The following ZNF729 variants were observed in gnomAD, a reference collection of about 807,000 sequenced individuals.
ZNF729 encodes zinc finger protein 729.
ZNF729 carries 15 observed loss-of-function variants against 12.2 expected under a neutral mutation model. The observed-to-expected ratio is 1.23, with a 90% CI of 0.82 to 1.89. ZNF729 has a LOEUF of 1.89. Among genes scored for constraint, ZNF729 ranks in the 40% most tolerant of loss-of-function variants. ZNF729 has a pLI of 0.00. For missense variants in ZNF729, 1,540 were observed against 1,456.7 expected (o/e 1.06, Z -0.93); for synonymous variants, 492 against 476.3 (o/e 1.03, Z -0.43).
At chr19:22,304,510 A>G (rs534540063) in intron 2 of ZNF729, among the ~76,000 whole-genome samples, 178 bp from the exon 3 acceptor site, 1 of 152,318 alleles carries the variant, frequency 6.6e-6, no homozygotes, top group South Asian at 2.1e-4. Flanking sequence ...CAGTAGTACC[A>G]GGTAGTAAAA....
In ZNF729 at chr19:22,317,130, C is replaced by G. The variant is rs1443815932; in HGVS notation, c.3713C>G (p.Thr1238Ser). 6.2e-6 allele frequency: 10 copies of G among 1,601,618 alleles called. No homozygotes were observed. The highest frequency in any genetic ancestry group is 7.7e-6 in the Non-Finnish European group (9 of 1,174,570). Residue 1238 changes from threonine to serine, a missense_variant, in exon 4 of 4, where the codon ACT (threonine) becomes AGT (serine). By Grantham distance (58) the Thr-to-Ser change is moderately conservative (BLOSUM62 1). Transcript: ENST00000601693. ...ACCTTACTAGACAAAACAATTCATACTGGAGAGAAACCCTACAAATGTGAA... is the reference window on the plus strand; with the variant it reads ...ACCTTACTAGACAAAACAATTCATAGTGGAGAGAAACCCTACAAATGTGAA... ...PHTLLDKTIH[T>S]GEKPYKCEEC...
At chr19:22,289,225 A>T (rs1390590749) in intron 1 of ZNF729, among the ~76,000 whole-genome samples, 1 of 144,956 alleles carries the variant, frequency 6.9e-6, no homozygotes, top group African/African-American at 2.8e-5. Flanking sequence ...TCCATTTGTT[A>T]ATTTTTTTTT....
At chr19:22,309,939 A>G (rs953636765) in intron 3 of ZNF729, among the ~76,000 whole-genome samples, 1 of 148,870 alleles carries the variant, frequency 6.7e-6, no homozygotes, top group Non-Finnish European at 1.5e-5. Context: ...GGTTAGGCAT[A>G]TTCCTAAGTT....
intron 1 of ZNF729, among the ~76,000 whole-genome samples, chr19:22,292,959 A>G (rs1968174535): frequency 6.6e-6 from 1 of 152,130 alleles, no homozygotes; most frequent in African/African-American, 2.4e-5. Flanking sequence ...GCTTTTCACA[A>G]TGGTTGAACT....
At chr19:22,289,096 T>G (rs903603155) in intron 1 of ZNF729, among the ~76,000 whole-genome samples, 4 of 130,462 alleles carry the variant, frequency 3.1e-5, no homozygotes, top group African/African-American at 1.0e-4. Context: ...TATTTTGACC[T>G]CAGTTTTTTA....
chr19:22,288,289 CGTT>C (rs1431408125), intron 1 of ZNF729, among the ~76,000 whole-genome samples: 1 of 147,980 alleles, frequency 6.8e-6, no homozygotes, highest in Non-Finnish European at 1.5e-5. Flanking sequence ...CCTGACACTG[CGTT>C]GTAAAAAGTC....
intron 1 of ZNF729, among the ~76,000 whole-genome samples, chr19:22,288,423 AT>A (rs1968109897): frequency 6.8e-6 from 1 of 147,626 alleles, no homozygotes; most frequent in African/African-American, 2.5e-5. Context: ...CATTCTTCAG[AT>A]TTTTTTCCTG....
At chr19:22,313,212 T>C (rs989275852) in intron 3 of ZNF729, among the ~76,000 whole-genome samples, 8 of 152,142 alleles carry the variant, frequency 5.3e-5, no homozygotes, top group Non-Finnish European at 1.0e-4. Context: ...CCACCACATC[T>C]GGCTAATTTT....
At chr19:22,297,194 A>C (rs55701013) in intron 1 of ZNF729, among the ~76,000 whole-genome samples, 1 of 151,872 alleles carries the variant, frequency 6.6e-6, no homozygotes, top group South Asian at 2.1e-4. Context: ...GCCTTCTACT[A>C]TTGTGTCAGA....
intron 3 of ZNF729, among the ~76,000 whole-genome samples, chr19:22,306,211 C>T (rs916738791): frequency 1.8e-4 from 28 of 151,936 alleles, no homozygotes; most frequent in African/African-American, 6.0e-4. Context: ...GAGACCAAAG[C>T]GGGCAGATCA....
chr19:22,313,707 A>T lies in ZNF729; in HGVS notation c.290A>T (p.Asp97Val). The T allele has an allele frequency of 6.5e-7, 1 of 1,547,172 alleles. No homozygotes were observed. Among genetic ancestry groups the T allele is most frequent in the Non-Finnish European group, 8.7e-7 (1 of 1,153,710 alleles). ...RSHFTQDLWPDQSTKDSFQEV... is the reference protein window; with the variant it reads ...RSHFTQDLWPVQSTKDSFQEV... ...CATTTTACACAAGACCTTTGGCCAG[A>T]TCAGAGCACAAAAGATTCTTTCCAA... is the stretch of plus-strand genomic sequence containing the variant. The change falls in exon 4 of 4, where the codon GAT becomes GTT. Residue 97 changes from aspartate (D) to valine (V), a missense_variant. By Grantham distance (152) the Asp-to-Val change is radical (BLOSUM62 -3). Transcript: ENST00000601693.
In ZNF729 at chr19:22,315,493, T is replaced by A. The variant is rs1328859687; in HGVS notation, c.2076T>A (p.Ala692=). Residue 692 remains alanine (A), a synonymous_variant, in exon 4 of 4, where the codon GCT becomes GCA. Transcript: ENST00000601693. Reference sequence around the variant, plus strand: ...ACAAATGTGAAGAATGTGGCAAAGCTTTTAGCCATTTCTCAGCCCTTAGAA... The same window carrying A: ...ACAAATGTGAAGAATGTGGCAAAGCATTTAGCCATTTCTCAGCCCTTAGAA... ...KPYKCEECGK[A]FSHFSALRRH... 1.9e-6 allele frequency: 3 copies of A among 1,612,060 alleles called. No individual in the cohort carries two copies. Among genetic ancestry groups the A allele is most frequent in the African/African-American group, 1.3e-5 (1 of 74,920 alleles).
chr19:22,309,938 T>C (rs1027894890), intron 3 of ZNF729, among the ~76,000 whole-genome samples: 11 of 151,746 alleles, frequency 7.2e-5, no homozygotes, highest in African/African-American at 2.7e-4. Context: ...TGGTTAGGCA[T>C]ATTCCTAAGT....
chr19:22,309,127 C>T (rs1434892326), intron 3 of ZNF729, among the ~76,000 whole-genome samples: 1 of 152,074 alleles, frequency 6.6e-6, no homozygotes, highest in African/African-American at 2.4e-5. Flanking sequence ...TGTGGCTAGC[C>T]AATTATCCCA....
chr19:22,290,306 T>G (rs574004047), intron 1 of ZNF729, among the ~76,000 whole-genome samples: 23 of 152,296 alleles, frequency 1.5e-4, no homozygotes, highest in African/African-American at 4.6e-4. Context: ...GAAAGGGGAT[T>G]GGGAGGGTCT....
intron 1 of ZNF729, among the ~76,000 whole-genome samples, chr19:22,290,750 T>A (rs1428962108): frequency 1.4e-5 from 2 of 144,766 alleles, no homozygotes; most frequent in Non-Finnish European, 2.9e-5. Flanking sequence ...GATTTATTTA[T>A]TTTTTTTAAT....
chr19:22,314,338 T>A lies in ZNF729; in HGVS notation c.921T>A (p.Phe307Leu). 1 of 1,610,226 alleles carries A rather than the reference T, an allele frequency of 6.2e-7. No individual in the cohort carries two copies. The highest frequency in any genetic ancestry group is 1.3e-5 in the African/African-American group (1 of 74,942). ...CGKAFKGSSNFNAHKVIHTAE... is the reference protein window; with the variant it reads ...CGKAFKGSSNLNAHKVIHTAE... Reference sequence around the variant, plus strand: ...AAGCTTTTAAGGGGTCCTCAAATTTTAATGCACATAAGGTAATTCATACTG... The same window carrying A: ...AAGCTTTTAAGGGGTCCTCAAATTTAAATGCACATAAGGTAATTCATACTG... The change falls in exon 4 of 4, where the codon TTT becomes TTA. Residue 307 changes from phenylalanine to leucine, a missense_variant. Physicochemically the swap from Phe to Leu is conservative, Grantham distance 22. Coordinates refer to ENST00000601693, the MANE Select transcript of ZNF729 (RefSeq NM_001242680.2).
intron 1 of ZNF729, among the ~76,000 whole-genome samples, chr19:22,287,723 T>C (rs1381405457): frequency 6.6e-6 from 1 of 151,944 alleles, no homozygotes; most frequent in Non-Finnish European, 1.5e-5. Context: ...GAGAGTATTA[T>C]GTGTACTCCC....
chr19:22,315,611 G>T lies in ZNF729; in HGVS notation c.2194G>T (p.Val732Leu), dbSNP rs1381308558. ...KWSSKLTVHK[V>L]IHTAEKPCKC... ...GTCATCAAAACTTACTGTACATAAG[G>T]TAATTCATACTGCAGAGAAACCCTG... is the stretch of plus-strand genomic sequence containing the variant. The change falls in exon 4 of 4, where the codon GTA becomes TTA. Residue 732 changes from valine (V) to leucine (L), a missense_variant. By Grantham distance (32) the Val-to-Leu change is conservative. Coordinates refer to ENST00000601693, the MANE Select transcript of ZNF729 (RefSeq NM_001242680.2). The T allele has an allele frequency of 1.9e-5, 30 of 1,608,084 alleles. No individual in the cohort carries two copies. Among genetic ancestry groups the T allele is most frequent in the Admixed American group, 3.3e-5 (2 of 59,752 alleles).
Sources: gnomAD v4.1 joint callset for allele counts (sites outside exome capture counted in the v4.1 genomes callset) on GRCh38, gnomAD v4.1.1 for gene constraint, MANE v1.5 for transcripts, NCBI Gene and HGNC (gene_info 2026-07-23, HGNC 2026-07-21) for gene names.